Variants in PRDM16 observed in about 807,000 individuals in gnomAD.
PRDM16 encodes PR/SET domain 16, also known as histone-lysine N-methyltransferase PRDM16.
A neutral mutation model predicts 110.6 loss-of-function variants in PRDM16; 23 were observed. That is an observed-to-expected ratio of 0.21 (90% CI 0.15 to 0.29). The LOEUF (loss-of-function observed/expected upper bound fraction) is 0.29, where lower values mean the gene tolerates loss of function less well. PRDM16 is among the 10% of genes least tolerant of loss of function. The pLI is 1.00. For synonymous variants in PRDM16, 799 were observed against 781.8 expected (o/e 1.02, Z -0.37); for missense variants, 1,615 against 1,794.3 (o/e 0.90, Z 1.81).
In PRDM16 at chr1:3,307,973, T is replaced by C. The variant is rs1238772139; in HGVS notation, c.438+63836T>C. On this transcript the variant is annotated intron_variant, in intron 3 of 16. Transcript: ENST00000270722. ...AGGTGTGTTCTCACAGAGCTGTGTT[T>C]CAAAGGCAGCATGCTGTCACCTGGG... 5 of 152,182 alleles carry C rather than the reference T, an allele frequency of 3.3e-5. No individual in the cohort carries two copies. The East Asian group carries it at 9.6e-4, about 29-fold the overall frequency. 9.4% of individuals were successfully genotyped at this position (152,182 alleles called of 1,614,324 possible).
At chr1:3,185,249 C>T (rs1644254400) in intron 1 of PRDM16, among the ~76,000 whole-genome samples, 1 of 152,174 alleles carries the variant, frequency 6.6e-6, no homozygotes, top group South Asian at 2.1e-4. Context: ...CCCATCCTCT[C>T]TTAGGACGGA....
Position 3,435,223 on chromosome 1 carries a change from A to G in PRDM16, c.*1412A>G, listed in dbSNP as rs1199171648. ...TGATGGAATTTACCTTAATCTGTAT[A>G]TAACTTGTAATTTTTTCTAATTCAT... On this transcript the variant is annotated 3_prime_UTR_variant, in exon 17 of 17. Coordinates refer to ENST00000270722, the MANE Select transcript of PRDM16 (RefSeq NM_022114.4). The G allele has an allele frequency of 4.5e-6, 1 of 221,476 alleles. No individual in the cohort carries two copies. The highest frequency in any genetic ancestry group is 9.0e-6 in the Non-Finnish European group (1 of 110,870). 13.7% of individuals were successfully genotyped at this position (221,476 alleles called of 1,614,324 possible).
chr1:3,125,782 G>T lies in PRDM16; in HGVS notation c.37+56486G>T, dbSNP rs190370801. Reference sequence around the variant, plus strand: ...CTGACCCCACTACGCCTGGCCCCTCGGAGCGGAGCGCGGCACAGGCGAGGC... The same window carrying T: ...CTGACCCCACTACGCCTGGCCCCTCTGAGCGGAGCGCGGCACAGGCGAGGC... On this transcript the variant is annotated intron_variant, in intron 1 of 16. Transcript: ENST00000270722. Among the ~76,000 whole-genome samples, 123 of 152,338 alleles carry T rather than the reference G, an allele frequency of 8.1e-4. 1 individual carries two copies. The highest frequency in any genetic ancestry group is 1.3e-3 in the Non-Finnish European group (89 of 68,024).
intron 1 of PRDM16, among the ~76,000 whole-genome samples, chr1:3,132,057 A>G (rs1338452469): frequency 6.6e-6 from 1 of 152,090 alleles, no homozygotes; most frequent in Non-Finnish European, 1.5e-5. Context: ...TTTATGTGCT[A>G]ATTATATAGC....
chr1:3,090,464 G>A (rs995961218), intron 1 of PRDM16, among the ~76,000 whole-genome samples: 2 of 152,226 alleles, frequency 1.3e-5, no homozygotes, highest in African/African-American at 4.8e-5. Flanking sequence ...CGGGCGACTG[G>A]CTCCCCTGAG....
intron 2 of PRDM16, among the ~76,000 whole-genome samples, chr1:3,225,573 T>TGCGCGCGCGC (rs138962991): frequency 5.2e-4 from 67 of 129,904 alleles, no homozygotes; most frequent in African/African-American, 1.8e-3. Context: ...TGTGTGTGTG[T>TGCGCGCGCGC]GCGCGCGCGC....
chr1:3,092,079 C>T (rs897863194), intron 1 of PRDM16, among the ~76,000 whole-genome samples: 61 of 152,194 alleles, frequency 4.0e-4, no homozygotes, highest in African/African-American at 1.3e-3. Context: ...CACGCAGGAT[C>T]GCAGGATGCT....
chr1:3,215,347 G>A (rs1032317084), intron 2 of PRDM16, among the ~76,000 whole-genome samples: 1 of 152,236 alleles, frequency 6.6e-6, no homozygotes, highest in Non-Finnish European at 1.5e-5. Context: ...GCCAGGCCCT[G>A]GGGACAGGCA....
intron 1 of PRDM16, among the ~76,000 whole-genome samples, chr1:3,171,358 G>A (rs1644023803): frequency 6.6e-6 from 1 of 152,226 alleles, no homozygotes; most frequent in African/African-American, 2.4e-5. Context: ...AGAAATCTCC[G>A]AGTGTGTTTT....
At chr1:3,134,887 G>C (rs1280836002) in intron 1 of PRDM16, among the ~76,000 whole-genome samples, 1 of 152,246 alleles carries the variant, frequency 6.6e-6, no homozygotes, top group African/African-American at 2.4e-5. Flanking sequence ...CCCACCTCCT[G>C]AGAGCCCGGC....
intron 3 of PRDM16, among the ~76,000 whole-genome samples, chr1:3,349,231 G>C (rs1024592151): frequency 3.3e-5 from 5 of 152,300 alleles, no homozygotes; most frequent in Non-Finnish European, 5.9e-5. Flanking sequence ...CTGCTCTCTG[G>C]CTCCCAGTGA....
rs924573429 is a variant in PRDM16, at chr1:3,265,779, C to T, written c.438+21642C>T. ...CAGGCATTATCCAGCTGGCACCTCA[C>T]GCTCTGTCCTCACCGCCCAGACCCT... On this transcript the variant is annotated intron_variant, in intron 3 of 16. Coordinates refer to ENST00000270722, the MANE Select transcript of PRDM16 (RefSeq NM_022114.4). The surrounding 1 kb of genome is among the most constrained non-coding windows in gnomAD (Gnocchi z 4.5). Among the ~76,000 whole-genome samples, 4 of 152,278 alleles carry T rather than the reference C, an allele frequency of 2.6e-5. No individual in the cohort carries two copies. The highest frequency in any genetic ancestry group is 1.9e-4 in the East Asian group (1 of 5,182).
At position 3,390,737 on chromosome 1, in the gene PRDM16, T is replaced by A. The variant is rs1643284666; in HGVS notation, c.573+5451T>A. On this transcript the variant is annotated intron_variant, in intron 4 of 16. Coordinates refer to ENST00000270722, the MANE Select transcript of PRDM16 (RefSeq NM_022114.4). This position sits in a 1 kb window ranked among gnomAD's most constrained non-coding sequence, Gnocchi z 5.0. ...TGTCTGGGCGTGTGCCCTGTCAGGG[T>A]TGCGGTTTTAAACAGAGGGCATCCA... Among the ~76,000 whole-genome samples the A allele has an allele frequency of 6.6e-6, 1 of 152,062 alleles. No homozygotes were observed. Among genetic ancestry groups the A allele is most frequent in the East Asian group, 1.9e-4 (1 of 5,184 alleles).
At chr1:3,418,147 T>A in intron 11 of PRDM16, 150 bp downstream of exon 11, 1 of 706,020 alleles carries the variant, frequency 1.4e-6, no homozygotes, top group Non-Finnish European at 2.4e-6. Context: ...CTTGAGGTCA[T>A]GCTTTGCAAA....
At chr1:3,153,356 C>T (rs1557487337) in intron 1 of PRDM16, among the ~76,000 whole-genome samples, 1 of 152,216 alleles carries the variant, frequency 6.6e-6, no homozygotes, top group Non-Finnish European at 1.5e-5. Flanking sequence ...TTGTGTGTGT[C>T]TACACATGTG....
intron 3 of PRDM16, among the ~76,000 whole-genome samples, chr1:3,251,742 C>T (rs371154989): frequency 0.012 from 1,894 of 152,326 alleles, 17 homozygotes; most frequent in Middle Eastern, 0.031. Flanking sequence ...TTATTGGCTA[C>T]ATTACCAGCT....
intron 3 of PRDM16, among the ~76,000 whole-genome samples, chr1:3,316,611 C>T (rs1298592753): frequency 6.7e-6 from 1 of 150,070 alleles, no homozygotes; most frequent in Non-Finnish European, 1.5e-5. Flanking sequence ...CACAGTGGAG[C>T]CAGGAAACAG....
intron 2 of PRDM16, among the ~76,000 whole-genome samples, chr1:3,215,682 T>C (rs1294203438): frequency 6.6e-6 from 1 of 152,148 alleles, no homozygotes; most frequent in African/African-American, 2.4e-5. Context: ...CTTGGCCCTT[T>C]CCCACTGGGC....
At chr1:3,284,155 C>T (rs1325319511) in intron 3 of PRDM16, among the ~76,000 whole-genome samples, 2 of 152,210 alleles carry the variant, frequency 1.3e-5, no homozygotes, top group African/African-American at 4.8e-5. Flanking sequence ...TGGAGGCGCC[C>T]TCTATCGCCT....
Sources: allele counts gnomAD v4.1 joint callset (sites outside exome capture counted in the v4.1 genomes callset), GRCh38; gene constraint gnomAD v4.1.1; non-coding constraint Gnocchi (gnomAD v3.1); transcripts MANE v1.5; gene names NCBI Gene and HGNC (gene_info 2026-07-23, HGNC 2026-07-21).